Variants in THOC2 observed in about 807,000 individuals in gnomAD.
The protein encoded by THOC2 is THO complex subunit 2, also known as THO complex 2.
THOC2 carries 10 observed loss-of-function variants against 128.4 expected under a neutral mutation model. The ratio of observed to expected loss-of-function variants is 0.08; its 90% CI spans 0.05 to 0.13. The LOEUF (loss-of-function observed/expected upper bound fraction) is 0.13, where lower values mean the gene tolerates loss of function less well. THOC2 is among the 10% of genes least tolerant of loss of function. The probability of loss-of-function intolerance (pLI) is 1.00; values close to 1 mark genes in which losing one functional copy is unlikely to be tolerated. For synonymous variants in THOC2, 393 were observed against 396.9 expected, an observed-to-expected ratio of 0.99 and a Z score of 0.12; for missense variants, 535 against 1,155.7, an observed-to-expected ratio of 0.46 and a Z score of 7.79.
chrX:123,681,554 T>G (rs1346674211), intron 8 of THOC2, among the ~76,000 whole-genome samples: 1 of 111,761 alleles, frequency 8.9e-6, no homozygotes, highest in Non-Finnish European at 1.9e-5. Flanking sequence ...AAAGAACAAA[T>G]AAGATGAAAA....
intron 8 of THOC2, among the ~76,000 whole-genome samples, chrX:123,684,343 C>T (rs2049918619): frequency 8.9e-6 from 1 of 111,852 alleles, no homozygotes; most frequent in South Asian, 3.7e-4. Flanking sequence ...CATGGTGGCT[C>T]TTAAAATCTG....
chrX:123,716,161 A>T (rs2051406957), intron 1 of THOC2, among the ~76,000 whole-genome samples: 1 of 112,857 alleles, frequency 8.9e-6, no homozygotes, highest in Non-Finnish European at 1.9e-5. Context: ...CAAGGATGGT[A>T]CAACATACAC....
intron 7 of THOC2, among the ~76,000 whole-genome samples, chrX:123,689,685 G>A (rs1402399889): frequency 3.6e-5 from 4 of 111,726 alleles, no homozygotes; most frequent in South Asian, 3.7e-4. Context: ...CTCCCAAAGT[G>A]CTGGGATTGC....
chrX:123,731,674 T>C (rs2052264308), intron 1 of THOC2, among the ~76,000 whole-genome samples: 1 of 111,370 alleles, frequency 9.0e-6, no homozygotes, highest in South Asian at 3.8e-4. Flanking sequence ...ACTCAGCTAC[T>C]TAAGTGGCTA....
chrX:123,629,206 AACACACACACACACACACACAC>A (rs754562050), intron 22 of THOC2, among the ~76,000 whole-genome samples: 1 of 81,962 alleles, frequency 1.2e-5, no homozygotes, highest in African/African-American at 4.5e-5. Context: ...ATTATACATG[AACACACACACACACACACACAC>A]ACACACACAC....
intron 28 of THOC2, 186 bp downstream of exon 28, chrX:123,623,601 C>CA: frequency 1.0e-6 from 1 of 963,919 alleles, no homozygotes. Flanking sequence ...AACTATCATC[C>CA]AGTATAGACC....
At chrX:123,718,732 C>T (rs1431329637) in intron 1 of THOC2, among the ~76,000 whole-genome samples, 2 of 109,126 alleles carry the variant, frequency 1.8e-5, no homozygotes, top group Non-Finnish European at 3.8e-5. Context: ...GCACTCCAAC[C>T]TAGGCAACAG....
intron 1 of THOC2, among the ~76,000 whole-genome samples, chrX:123,732,512 C>A (rs1348151072): frequency 3.6e-5 from 4 of 111,825 alleles, no homozygotes; most frequent in Non-Finnish European, 7.5e-5. Flanking sequence ...GCAGAGGAGG[C>A]GCCAAGCTCC....
chrX:123,611,897 G>A (rs2046714141), intron 36 of THOC2, among the ~76,000 whole-genome samples: 1 of 107,822 alleles, frequency 9.3e-6, no homozygotes, highest in Non-Finnish European at 1.9e-5. Context: ...ATAAACAAAT[G>A]GCCAATAAGC....
At chrX:123,683,609 T>A (rs1387470751) in intron 8 of THOC2, among the ~76,000 whole-genome samples, 2 of 110,005 alleles carry the variant, frequency 1.8e-5, no homozygotes, top group African/African-American at 6.6e-5. Context: ...ACTTTTTTTT[T>A]TTTTTTGAGA....
At chrX:123,708,774 C>CA (rs749122586) in intron 2 of THOC2, among the ~76,000 whole-genome samples, 3 of 111,113 alleles carry the variant, frequency 2.7e-5, no homozygotes, top group African/African-American at 9.8e-5. Context: ...TCTTTTGAAA[C>CA]AGAGTCTCGC....
At chrX:123,649,885 G>A (rs1158935102) in intron 12 of THOC2, among the ~76,000 whole-genome samples, 1 of 111,808 alleles carries the variant, frequency 8.9e-6, no homozygotes, top group Non-Finnish European at 1.9e-5. Context: ...ACACTCTTCA[G>A]GGTATTATCC....
chrX:123,663,997 T>C (rs1358699362), intron 12 of THOC2, among the ~76,000 whole-genome samples: 3 of 112,068 alleles, frequency 2.7e-5, no homozygotes, highest in Non-Finnish European at 5.6e-5. Flanking sequence ...ATGTGCCACA[T>C]TTTCTTAATC....
intron 16 of THOC2, among the ~76,000 whole-genome samples, chrX:123,639,863 A>T (rs773015763): frequency 8.9e-6 from 1 of 112,208 alleles, no homozygotes; most frequent in Non-Finnish European, 1.9e-5. Context: ...GGAATGAAAG[A>T]GTCTAGTCTC....
Position 123,624,099 on chromosome X carries a change from A to G in THOC2, c.3279T>C (p.Phe1093=), listed in dbSNP as rs2047178097. 8.3e-7 allele frequency: 1 copy of G among 1,199,029 alleles called. No homozygotes were observed. The highest frequency in any genetic ancestry group is 1.1e-6 in the Non-Finnish European group (1 of 891,424). ...NKADQLDYEN[F]RHVVHKWHYK... ...AATGCCATTTATGTACAACATGTCG[A>G]AAATTTTCATAGTCTAATTGATCAG... is the stretch of plus-strand genomic sequence containing the variant. The change falls in exon 27 of 39, where the codon TTT becomes TTC. Residue 1093 remains phenylalanine, a synonymous_variant. Transcript: ENST00000245838.
At chrX:123,611,604 T>C (rs1264446783) in intron 36 of THOC2, 88 bp from the exon 37 acceptor site, 4 of 561,658 alleles carry the variant, frequency 7.1e-6, no homozygotes, top group Non-Finnish European at 8.5e-6. Flanking sequence ...GCGAGCTATA[T>C]TTGTCTTCAA....
At chrX:123,710,858 C>T (rs902328416) in intron 2 of THOC2, among the ~76,000 whole-genome samples, 24 of 103,418 alleles carry the variant, frequency 2.3e-4, no homozygotes, top group South Asian at 5.2e-4. Context: ...GGCGTGGTGG[C>T]GGGCGCCTGT....
intron 12 of THOC2, among the ~76,000 whole-genome samples, chrX:123,663,270 T>G (rs973246591): frequency 3.6e-5 from 4 of 111,707 alleles, no homozygotes; most frequent in Non-Finnish European, 7.5e-5. Context: ...TACTGACACA[T>G]GCAACTTGGA....
intron 12 of THOC2, among the ~76,000 whole-genome samples, chrX:123,662,697 A>T (rs1218792405): frequency 1.8e-5 from 2 of 111,960 alleles, no homozygotes; most frequent in Non-Finnish European, 3.8e-5. Context: ...TAAGAAAAAA[A>T]TTTCACAGTA....
Sources: allele counts gnomAD v4.1 joint callset (sites outside exome capture counted in the v4.1 genomes callset), GRCh38; gene constraint gnomAD v4.1.1; transcripts MANE v1.5; gene names NCBI Gene and HGNC (gene_info 2026-07-23, HGNC 2026-07-21).